Variants in KDM1B observed in about 807,000 individuals in gnomAD.
KDM1B encodes the protein lysine-specific histone demethylase 2.
KDM1B carries 63 observed loss-of-function variants against 107.4 expected under a neutral mutation model. The observed-to-expected ratio is 0.59, with a 90% CI of 0.48 to 0.72. The LOEUF is 0.72. Among genes scored for constraint, KDM1B ranks in the 30% least tolerant of loss-of-function variants. The pLI, the probability that KDM1B is intolerant of heterozygous loss-of-function variation, is 0.00. For synonymous variants in KDM1B, 363 were observed against 363.9 expected (o/e 1.00, Z 0.03); for missense variants, 749 against 1,020.8 (o/e 0.73, Z 3.63).
At position 18,211,515 on chromosome 6, in the gene KDM1B, C is replaced by G. The variant is rs1309072873; in HGVS notation, c.1867-973C>G. 6.6e-6 allele frequency: 1 copy of G among 152,282 alleles called. No individual in the cohort carries two copies. Among genetic ancestry groups the G allele is most frequent in the Non-Finnish European group, 1.5e-5 (1 of 68,074 alleles). 9.4% of individuals were successfully genotyped at this position (152,282 alleles called of 1,614,324 possible). ...ACAATGCTGGAGGTGTTTGGTTCTT[C>G]TGCAGCAGGGTTCGTGAAAGTTGCA... On this transcript the variant is annotated intron_variant, in intron 17 of 21. Coordinates refer to ENST00000650836, the MANE Select transcript of KDM1B (RefSeq NM_001364614.2). The surrounding 1 kb of genome is among the most constrained non-coding windows in gnomAD (Gnocchi z 5.2).
intron 5 of KDM1B, among the ~76,000 whole-genome samples, chr6:18,164,542 G>A (rs1785168966): frequency 6.6e-6 from 1 of 152,036 alleles, no homozygotes; most frequent in Non-Finnish European, 1.5e-5. Flanking sequence ...TCTTATCCCT[G>A]ATAATATTCA....
chr6:18,195,158 A>G (rs1024490000), intron 10 of KDM1B, among the ~76,000 whole-genome samples: 1 of 152,180 alleles, frequency 6.6e-6, no homozygotes, highest in East Asian at 1.9e-4. Flanking sequence ...TTCATTGTTC[A>G]TATCACATTT....
chr6:18,208,355 A>C (rs1384605705), intron 17 of KDM1B, 149 bp downstream of exon 17: 2 of 591,824 alleles, frequency 3.4e-6, no homozygotes, highest in Non-Finnish European at 6.0e-6. Flanking sequence ...TCTCTACTTA[A>C]TTGTATGTAG....
chr6:18,184,828 T>C (rs1161058231), intron 7 of KDM1B, among the ~76,000 whole-genome samples: 1 of 132,110 alleles, frequency 7.6e-6, no homozygotes, highest in Non-Finnish European at 1.6e-5. Context: ...CTCAACCTCC[T>C]GGGCTCAATC....
In KDM1B at chr6:18,162,920, A is replaced by C; in HGVS notation, c.301A>C (p.Arg101=). The C allele has an allele frequency of 6.3e-7, 1 of 1,593,392 alleles. No individual in the cohort carries two copies. Among genetic ancestry groups the C allele is most frequent in the Non-Finnish European group, 8.6e-7 (1 of 1,161,092 alleles). Residue 101 remains arginine (R), a synonymous_variant, in exon 5 of 22, where the codon AGA becomes CGA. Transcript: ENST00000650836. The surrounding 1 kb of genome is among the most constrained non-coding windows in gnomAD (Gnocchi z 4.1). ...FCNECFDHYY[R]SHKDGYDKYT... Reference sequence around the variant, plus strand: ...TAATGAATGCTTTGACCATTACTACAGAAGGTATGTTCACTAATTGTGTGA... The same window carrying C: ...TAATGAATGCTTTGACCATTACTACCGAAGGTATGTTCACTAATTGTGTGA...
At chr6:18,187,195 C>G (rs1023750486) in intron 8 of KDM1B, among the ~76,000 whole-genome samples, 15 of 152,146 alleles carry the variant, frequency 9.9e-5, no homozygotes, top group African/African-American at 3.6e-4. Flanking sequence ...TAAGTCAACT[C>G]TGGAACAGTA....
At position 18,186,986 on chromosome 6, in the gene KDM1B, A is replaced by ACACACG. The variant is rs1786904461; in HGVS notation, c.574-801_574-800insGCACAC. ...TGTGTGTGTGTGTACACACACACAC[A>ACACACG]CACACACACACACATTTTTTTTCCA... On this transcript the variant is annotated intron_variant, in intron 8 of 21. Coordinates refer to ENST00000650836, the MANE Select transcript of KDM1B (RefSeq NM_001364614.2). The surrounding 1 kb of genome is among the most constrained non-coding windows in gnomAD (Gnocchi z 5.6). Among the ~76,000 whole-genome samples the ACACACG allele has an allele frequency of 6.6e-6, 1 of 151,190 alleles. No homozygotes were observed. The highest frequency in any genetic ancestry group is 2.1e-4 in the South Asian group (1 of 4,784).
chr6:18,166,371 C>G lies in KDM1B; in HGVS notation c.410C>G (p.Pro137Arg), dbSNP rs1785292782. 1 of 1,595,582 alleles carries G rather than the reference C, an allele frequency of 6.3e-7. No individual in the cohort carries two copies. Among genetic ancestry groups the G allele is most frequent in the Non-Finnish European group, 8.6e-7 (1 of 1,163,142 alleles). The change falls in exon 6 of 22, where the codon CCC becomes CGC. Residue 137 changes from proline to arginine, a missense_variant. By Grantham distance (103) the Pro-to-Arg change is moderately radical. Transcript: ENST00000650836. ...PKAFMADQQL[P>R]YWVQCTKPEC... ...GCTTTCATGGCAGACCAGCAACTCC[C>G]CTACTGGGTAAGGAGAGTGATGCTC...
rs1306527873 is a variant in KDM1B at position 18,186,276 on chromosome 6, CA to C, written c.573+467del. On this transcript the variant is annotated intron_variant, in intron 8 of 21. Transcript: ENST00000650836. The surrounding 1 kb of genome is among the most constrained non-coding windows in gnomAD (Gnocchi z 5.6). ...CCTCATGCAGATATGGCAGGGGGAG[CA>C]GTACTTCCAGCTGGCAAAGCTGGTC... 6.6e-6 allele frequency among the ~76,000 whole-genome samples: 1 copy of C among 152,170 alleles called. No individual in the cohort carries two copies. Among genetic ancestry groups the C allele is most frequent in the African/African-American group, 2.4e-5 (1 of 41,442 alleles).
At chr6:18,199,395 T>C (rs774020009) in intron 12 of KDM1B, among the ~76,000 whole-genome samples, 1 of 152,176 alleles carries the variant, frequency 6.6e-6, no homozygotes, top group Non-Finnish European at 1.5e-5. Context: ...GGGAAATAGA[T>C]TCCTCTGAGT....
intron 7 of KDM1B, among the ~76,000 whole-genome samples, chr6:18,178,626 C>T (rs780558011): frequency 4.7e-5 from 7 of 149,158 alleles, no homozygotes; most frequent in South Asian, 2.1e-4. Flanking sequence ...CTCCTGACCT[C>T]GTGATCTACC....
intron 7 of KDM1B, among the ~76,000 whole-genome samples, chr6:18,181,106 A>T (rs768562399): frequency 5.9e-5 from 9 of 152,238 alleles, no homozygotes; most frequent in Non-Finnish European, 8.8e-5. Flanking sequence ...ACTTTTAGAC[A>T]AATGATACAT....
chr6:18,188,045 C>A (rs1363496890), intron 9 of KDM1B, 43 bp downstream of exon 9: 2 of 1,503,548 alleles, frequency 1.3e-6, no homozygotes, highest in South Asian at 2.4e-5. Context: ...ATTCCCCGCT[C>A]CCCTCCCTGA....
intron 21 of KDM1B, among the ~76,000 whole-genome samples, chr6:18,221,369 C>T (rs1789723223): frequency 1.3e-5 from 2 of 152,188 alleles, no homozygotes; most frequent in Admixed American, 1.3e-4. Context: ...GCTTATTGTT[C>T]CCACCATAGC....
chr6:18,213,793 C>G lies in KDM1B; in HGVS notation c.2109+12C>G, dbSNP rs371504044. The G allele has an allele frequency of 7.1e-5, 115 of 1,613,566 alleles. No homozygotes were observed. Among genetic ancestry groups the G allele is most frequent in the Middle Eastern group, 1.6e-4 (1 of 6,084 alleles). ...ACATGGATCCCCAGGTAAAATCATT[C>G]GTGAACTGTGGTTTGAATTTCCGTC... On this transcript the variant is annotated intron_variant, in intron 19 of 21. Coordinates refer to ENST00000650836, the MANE Select transcript of KDM1B (RefSeq NM_001364614.2). This position sits in a 1 kb window ranked among gnomAD's most constrained non-coding sequence, Gnocchi z 5.9.
At chr6:18,163,555 T>C (rs1037168385) in intron 5 of KDM1B, among the ~76,000 whole-genome samples, 18 of 152,198 alleles carry the variant, frequency 1.2e-4, no homozygotes, top group African/African-American at 3.4e-4. Context: ...TTCCAATAAA[T>C]GCGTTTTTAA....
At chr6:18,195,733 C>A (rs151140000) in intron 10 of KDM1B, among the ~76,000 whole-genome samples, 98 of 107,740 alleles carry the variant, frequency 9.1e-4, no homozygotes, top group South Asian at 1.9e-3. Context: ...AACTCCATAT[C>A]AAAAAAAAAA....
rs572387421 is a variant in KDM1B, at chr6:18,200,126, G to T, written c.1222-313G>T. 6.6e-6 allele frequency among the ~76,000 whole-genome samples: 1 copy of T among 152,082 alleles called. No homozygotes were observed. Among genetic ancestry groups the T allele is most frequent in the Non-Finnish European group, 1.5e-5 (1 of 68,012 alleles). Reference sequence around the variant, plus strand: ...TGGCCTCATGTGATCCTCCTGCCTCGGCCTCCCAAAGTGCTGGTATTACAG... The same window carrying T: ...TGGCCTCATGTGATCCTCCTGCCTCTGCCTCCCAAAGTGCTGGTATTACAG... On this transcript the variant is annotated intron_variant, in intron 12 of 21. Transcript: ENST00000650836. This position sits in a 1 kb window ranked among gnomAD's most constrained non-coding sequence, Gnocchi z 4.3.
chr6:18,196,308 T>C (rs1787646225), intron 10 of KDM1B, among the ~76,000 whole-genome samples: 1 of 152,210 alleles, frequency 6.6e-6, no homozygotes, highest in Admixed American at 6.5e-5. Context: ...ACATCTCTCT[T>C]TGACGTGCTG....
Sources: allele counts gnomAD v4.1 joint callset (sites outside exome capture counted in the v4.1 genomes callset), GRCh38; gene constraint gnomAD v4.1.1; non-coding constraint Gnocchi (gnomAD v3.1); transcripts MANE v1.5; gene names NCBI Gene and HGNC (gene_info 2026-07-23, HGNC 2026-07-21).